Variants in FOXP1 observed in about 807,000 individuals in gnomAD.
The protein encoded by FOXP1 is forkhead box P1.
In FOXP1, 15 loss-of-function variants were observed where a neutral mutation model predicts 98.2. The observed-to-expected ratio is 0.15, with a 90% CI of 0.10 to 0.24. The LOEUF is 0.24. Ranked by LOEUF, FOXP1 falls within the 10% of genes least tolerant of loss-of-function variation. FOXP1 has a pLI of 1.00. For missense variants in FOXP1, 633 were observed against 848.5 expected (o/e 0.75, Z 3.15); for synonymous variants, 371 against 314.5 (o/e 1.18, Z -1.90).
At chr3:71,514,955 T>C (rs1252884154) in intron 2 of FOXP1, among the ~76,000 whole-genome samples, 1 of 152,146 alleles carries the variant, frequency 6.6e-6, no homozygotes, top group Non-Finnish European at 1.5e-5. Flanking sequence ...TATTATTAAA[T>C]AAAAATTAAT....
rs886974626 is a variant in FOXP1 at position 70,957,178 on chromosome 3, C to T, written c.*2069G>A. 1.3e-5 allele frequency: 3 copies of T among 223,918 alleles called. No individual in the cohort carries two copies. Among genetic ancestry groups the T allele is most frequent in the African/African-American group, 2.2e-5 (1 of 44,932 alleles). 13.9% of individuals were successfully genotyped at this position (223,918 alleles called of 1,614,324 possible). A position where few individuals can be genotyped will look rare whatever the true frequency, so the allele number is the denominator to read the frequency against. ...CATTTTTTTTTTGAGATGGGACTCC[C>T]TTCCTTCTGTAGCTCCTTTAATATT... is the stretch of plus-strand genomic sequence containing the variant. On this transcript the variant is annotated 3_prime_UTR_variant, in exon 21 of 21. Transcript: ENST00000649528.
chr3:71,044,735 G>T (rs2048795295), intron 10 of FOXP1, among the ~76,000 whole-genome samples: 1 of 152,136 alleles, frequency 6.6e-6, no homozygotes, highest in Non-Finnish European at 1.5e-5. Context: ...CATTATAAAA[G>T]AAAATGCAGG....
chr3:71,502,179 C>T (rs1577882269), intron 2 of FOXP1, among the ~76,000 whole-genome samples: 1 of 152,206 alleles, frequency 6.6e-6, no homozygotes, highest in East Asian at 1.9e-4. Context: ...AAAACACAAA[C>T]CTTCCGTTCC....
chr3:71,316,802 C>T (rs542127344), intron 4 of FOXP1, among the ~76,000 whole-genome samples: 1 of 152,008 alleles, frequency 6.6e-6, no homozygotes, highest in East Asian at 1.9e-4. Flanking sequence ...GGACTACAGG[C>T]GCCTGCCACC....
At chr3:70,967,462 C>T (rs1407672545) in intron 19 of FOXP1, among the ~76,000 whole-genome samples, 1 of 152,042 alleles carries the variant, frequency 6.6e-6, no homozygotes. Flanking sequence ...TGTATAACTG[C>T]CTTCTTTTAA....
chr3:70,960,373 C>T (rs1046415220), intron 20 of FOXP1, among the ~76,000 whole-genome samples: 2 of 152,080 alleles, frequency 1.3e-5, no homozygotes, highest in East Asian at 1.9e-4. Flanking sequence ...AGCGTGGTTG[C>T]GATGAGGTCT....
At chr3:71,270,010 C>T (rs893126351) in intron 5 of FOXP1, among the ~76,000 whole-genome samples, 3 of 152,160 alleles carry the variant, frequency 2.0e-5, no homozygotes, top group African/African-American at 7.2e-5. Flanking sequence ...TCTGAGTTTC[C>T]GAGTGCTGGA....
At chr3:71,130,519 G>A (rs371399518) in intron 6 of FOXP1, 2 of 1,598,294 alleles carry the variant, frequency 1.3e-6, no homozygotes, top group South Asian at 1.1e-5. Flanking sequence ...AGAGTTTGGC[G>A]AAGGGAGCCC....
intron 2 of FOXP1, among the ~76,000 whole-genome samples, chr3:71,543,031 C>T (rs978425639): frequency 1.3e-5 from 2 of 152,218 alleles, no homozygotes; most frequent in Non-Finnish European, 2.9e-5. Flanking sequence ...ACTGACATAA[C>T]ATTAACAGAT....
At chr3:71,577,068 C>G (rs538086687) in intron 2 of FOXP1, among the ~76,000 whole-genome samples, 7 of 152,190 alleles carry the variant, frequency 4.6e-5, no homozygotes, top group African/African-American at 1.7e-4. Flanking sequence ...AACAACAGTG[C>G]GTGCGAAGAA....
At chr3:71,261,555 T>C (rs1252685834) in intron 5 of FOXP1, among the ~76,000 whole-genome samples, 1 of 152,192 alleles carries the variant, frequency 6.6e-6, no homozygotes, top group Non-Finnish European at 1.5e-5. Context: ...TTTTTTTCTT[T>C]TGATTTATCA....
intron 2 of FOXP1, among the ~76,000 whole-genome samples, chr3:71,523,321 G>C (rs2043127951): frequency 6.6e-6 from 1 of 152,146 alleles, no homozygotes. Context: ...CAAATTTCTG[G>C]TGTTAAAGCC....
intron 5 of FOXP1, among the ~76,000 whole-genome samples, chr3:71,281,039 C>CCAAAAAAA (rs1553816158): frequency 3.6e-5 from 3 of 83,548 alleles, no homozygotes; most frequent in East Asian, 3.0e-4. Flanking sequence ...CCCTTCTCTA[C>CCAAAAAAA]AAAAAAAAAA....
chr3:71,443,704 T>C (rs1355463169), intron 3 of FOXP1, among the ~76,000 whole-genome samples: 22 of 152,226 alleles, frequency 1.4e-4, no homozygotes. Context: ...TAGGGATTTC[T>C]GAAACTAAAG....
intron 7 of FOXP1, among the ~76,000 whole-genome samples, chr3:71,085,803 C>T (rs2055023435): frequency 7.9e-6 from 1 of 127,136 alleles, no homozygotes; most frequent in Non-Finnish European, 1.6e-5. Context: ...GATCTTGGCT[C>T]ACTGCAACCT....
At chr3:71,434,631 GGTGTGTGTGT>G (rs55643841) in intron 3 of FOXP1, among the ~76,000 whole-genome samples, 5 of 142,266 alleles carry the variant, frequency 3.5e-5, no homozygotes, top group East Asian at 4.0e-4. Flanking sequence ...GAGGGGATGG[GGTGTGTGTGT>G]GTGTGTGTGT....
chr3:71,578,980 T>A (rs1039478124), intron 2 of FOXP1, among the ~76,000 whole-genome samples: 1 of 152,220 alleles, frequency 6.6e-6, no homozygotes, highest in East Asian at 1.9e-4. Context: ...TTAACCCACA[T>A]TGCTTAATTA....
intron 18 of FOXP1, chr3:70,971,907 G>GTGGCACTGCTA (rs2036346629): frequency 1.2e-6 from 1 of 862,196 alleles, no homozygotes; most frequent in Admixed American, 3.8e-5. Flanking sequence ...GCAGAAAGCT[G>GTGGCACTGCTA]TGGCACTGCT....
At chr3:71,350,830 T>C (rs912296241) in intron 4 of FOXP1, among the ~76,000 whole-genome samples, 1 of 152,076 alleles carries the variant, frequency 6.6e-6, no homozygotes, top group Non-Finnish European at 1.5e-5. Flanking sequence ...TTTCCCAGAG[T>C]TCTGTCTCCT....
Sources: allele counts gnomAD v4.1 joint callset (sites outside exome capture counted in the v4.1 genomes callset), GRCh38; gene constraint gnomAD v4.1.1; transcripts MANE v1.5; gene names NCBI Gene and HGNC (gene_info 2026-07-23, HGNC 2026-07-21).